Variants in SLC25A20 observed in about 807,000 individuals in gnomAD.
SLC25A20 encodes solute carrier family 25 member 20.
SLC25A20 carries 29 observed loss-of-function variants against 39.7 expected under a neutral mutation model. The ratio of observed to expected loss-of-function variants is 0.73; its 90% CI spans 0.54 to 1.00. The LOEUF is 1.00. Among genes scored for constraint, SLC25A20 ranks in the 50% least tolerant of loss-of-function variants. SLC25A20 has a pLI of 0.00. For synonymous variants in SLC25A20, 103 were observed against 142.2 expected, an observed-to-expected ratio of 0.72 and a Z score of 1.96; for missense variants, 333 against 379.9, an observed-to-expected ratio of 0.88 and a Z score of 1.03.
intron 2 of SLC25A20, among the ~76,000 whole-genome samples, chr3:48,888,845 G>A (rs551759305): frequency 1.3e-5 from 2 of 152,036 alleles, no homozygotes; most frequent in African/African-American, 2.4e-5. Flanking sequence ...CCAGCACTTC[G>A]GGAGGCTGAG....
chr3:48,877,785 C>T (rs942971259), intron 4 of SLC25A20, among the ~76,000 whole-genome samples: 1 of 151,880 alleles, frequency 6.6e-6, no homozygotes, highest in Non-Finnish European at 1.5e-5. Flanking sequence ...AAAGACATGA[C>T]ATCTCAGGCA....
chr3:48,863,280 T>C (rs2083640524), intron 4 of SLC25A20, among the ~76,000 whole-genome samples: 1 of 152,240 alleles, frequency 6.6e-6, no homozygotes, highest in African/African-American at 2.4e-5. Context: ...ACAAATACTT[T>C]AGTCATTCAT....
intron 4 of SLC25A20, among the ~76,000 whole-genome samples, chr3:48,875,908 C>T (rs1163485637): frequency 1.3e-5 from 2 of 152,252 alleles, no homozygotes; most frequent in Middle Eastern, 6.8e-3. Flanking sequence ...GTCTCAGATA[C>T]TCAGGAGCCT....
At chr3:48,874,071 C>T (rs933747179) in intron 4 of SLC25A20, among the ~76,000 whole-genome samples, 2 of 151,060 alleles carry the variant, frequency 1.3e-5, no homozygotes, top group Non-Finnish European at 2.9e-5. Flanking sequence ...GCGGGTGAAT[C>T]ACCTGAGGTC....
chr3:48,893,878 A>C (rs2083894971), intron 1 of SLC25A20, among the ~76,000 whole-genome samples: 1 of 143,548 alleles, frequency 7.0e-6, no homozygotes, highest in Admixed American at 7.0e-5. Flanking sequence ...AAAAAAAAGG[A>C]GGCCAGGCGC....
In SLC25A20 at chr3:48,893,799, C is replaced by T. The variant is rs553792423; in HGVS notation, c.106-1727G>A. ...CCTGCCTTAGCCTCCCAAAGTGCTA[C>T]GATTACAGATATGAGCCACCATGGC... On this transcript the variant is annotated intron_variant, in intron 1 of 8. Transcript: ENST00000319017. 4.2e-5 allele frequency among the ~76,000 whole-genome samples: 6 copies of T among 141,490 alleles called. No homozygotes were observed. In the South Asian group the frequency reaches 1.1e-3, roughly 26 times the overall value. 92.8% of individuals were successfully genotyped at this position (141,490 alleles called of 152,430 possible). A position where few individuals can be genotyped will look rare whatever the true frequency, so the allele number is the denominator to read the frequency against.
intron 8 of SLC25A20, 103 bp downstream of exon 8, chr3:48,858,404 G>A (rs996427573): frequency 1.4e-5 from 21 of 1,538,252 alleles, no homozygotes; most frequent in Admixed American, 6.7e-5. Context: ...AGGGCTTTGG[G>A]AAAACTGAGA....
At chr3:48,883,767 G>A (rs922965618) in intron 3 of SLC25A20, among the ~76,000 whole-genome samples, 6 of 151,490 alleles carry the variant, frequency 4.0e-5, no homozygotes, top group Non-Finnish European at 7.4e-5. Context: ...GACTACAGGC[G>A]CCTGCCACAA....
intron 4 of SLC25A20, among the ~76,000 whole-genome samples, chr3:48,863,964 G>A (rs569671496): frequency 8.6e-5 from 13 of 151,868 alleles, no homozygotes; most frequent in African/African-American, 2.4e-4. Context: ...GCAGTGAGCC[G>A]AGATCGTGCC....
At chr3:48,867,537 G>T (rs914290217) in intron 4 of SLC25A20, among the ~76,000 whole-genome samples, 1 of 150,830 alleles carries the variant, frequency 6.6e-6, no homozygotes, top group East Asian at 2.0e-4. Flanking sequence ...TTACAGGCGT[G>T]AGCCACCGCA....
rs1416627667 is a variant in SLC25A20, at chr3:48,895,300, G to A, written c.106-3228C>T. On this transcript the variant is annotated intron_variant, in intron 1 of 8. Coordinates refer to ENST00000319017, the MANE Select transcript of SLC25A20 (RefSeq NM_000387.6). ...TGGGATTATAGGCGTGAGCCACCAT[G>A]CCTGGCCTAATTTTGTATTTTTAGT... Among the ~76,000 whole-genome samples the A allele has an allele frequency of 2.6e-5, 4 of 152,144 alleles. No individual in the cohort carries two copies. The South Asian group carries it at 6.2e-4, about 24-fold the overall frequency.
intron 1 of SLC25A20, among the ~76,000 whole-genome samples, chr3:48,895,418 C>T (rs1456981114): frequency 3.3e-5 from 5 of 152,234 alleles, no homozygotes; most frequent in Non-Finnish European, 5.9e-5. Flanking sequence ...GGATTACAGG[C>T]GTGAGCCACC....
intron 3 of SLC25A20, among the ~76,000 whole-genome samples, chr3:48,883,041 A>G (rs2083805509): frequency 6.6e-6 from 1 of 151,188 alleles, no homozygotes; most frequent in African/African-American, 2.4e-5. Context: ...CAAAAAAAAA[A>G]AAAATTAGCC....
intron 4 of SLC25A20, among the ~76,000 whole-genome samples, chr3:48,863,914 C>A (rs2083645678): frequency 6.6e-6 from 1 of 151,994 alleles, no homozygotes; most frequent in Admixed American, 6.6e-5. Flanking sequence ...ACTCAGGAGG[C>A]TGAGGCAGGA....
intron 4 of SLC25A20, among the ~76,000 whole-genome samples, chr3:48,866,151 A>T (rs2083667056): frequency 6.6e-6 from 1 of 151,810 alleles, no homozygotes; most frequent in African/African-American, 2.4e-5. Flanking sequence ...GAAAAAAAAA[A>T]GTCACTAGTG....
At chr3:48,880,308 C>T (rs1254870197) in intron 3 of SLC25A20, among the ~76,000 whole-genome samples, 1 of 151,812 alleles carries the variant, frequency 6.6e-6, no homozygotes, top group East Asian at 1.9e-4. Context: ...TTTTGAGACA[C>T]GGTCTCACTC....
At chr3:48,859,688 A>T (rs1244275202) in intron 5 of SLC25A20, 61 bp from the exon 6 acceptor site, 9 of 1,303,310 alleles carry the variant, frequency 6.9e-6, no homozygotes, top group Non-Finnish European at 8.9e-6. Context: ...GCATGGTGGT[A>T]CACACCTGTA....
At chr3:48,887,842 G>A (rs925102280) in intron 2 of SLC25A20, among the ~76,000 whole-genome samples, 1 of 151,980 alleles carries the variant, frequency 6.6e-6, no homozygotes, top group Non-Finnish European at 1.5e-5. Flanking sequence ...GGCGGAGGTT[G>A]CAGTGGGCTG....
chr3:48,879,662 G>A (rs2083785113), intron 3 of SLC25A20, among the ~76,000 whole-genome samples: 1 of 152,210 alleles, frequency 6.6e-6, no homozygotes, highest in Non-Finnish European at 1.5e-5. Context: ...AGTGGCAAGA[G>A]CAATGGGAGT....
Sources: gnomAD v4.1 joint callset for allele counts (sites outside exome capture counted in the v4.1 genomes callset) on GRCh38, gnomAD v4.1.1 for gene constraint, MANE v1.5 for transcripts, NCBI Gene and HGNC (gene_info 2026-07-23, HGNC 2026-07-21) for gene names.